Variants in RAB3GAP1 observed in about 807,000 individuals in gnomAD.
RAB3GAP1 encodes the protein rab3 GTPase-activating protein catalytic subunit.
In RAB3GAP1, 86 loss-of-function variants were observed where a neutral mutation model predicts 130.7. That is an observed-to-expected ratio of 0.66 (90% confidence interval 0.55 to 0.79). RAB3GAP1 has a LOEUF of 0.79. Ranked by LOEUF, RAB3GAP1 falls within the 30% of genes least tolerant of loss-of-function variation. The pLI is 0.00. For missense variants in RAB3GAP1, 1,029 were observed against 1,169.4 expected, an observed-to-expected ratio of 0.88 and a Z score of 1.75; for synonymous variants, 367 against 401.7, an observed-to-expected ratio of 0.91 and a Z score of 1.03.
intron 22 of RAB3GAP1, 140 bp downstream of exon 22, chr2:135,163,241 T>G (rs925412118): frequency 1.4e-6 from 1 of 720,712 alleles, no homozygotes. Context: ...GAGACAGAAA[T>G]AATTATCATA....
At chr2:135,087,915 G>A (rs984054550) in intron 3 of RAB3GAP1, among the ~76,000 whole-genome samples, 1 of 152,152 alleles carries the variant, frequency 6.6e-6, no homozygotes, top group Admixed American at 6.5e-5. Flanking sequence ...TGATGAACTA[G>A]AATTGTCATT....
At chr2:135,133,059 T>A in intron 14 of RAB3GAP1, 75 bp downstream of exon 14, 1 of 901,000 alleles carries the variant, frequency 1.1e-6, no homozygotes. Context: ...TATTTCTAGT[T>A]TAATAGCTTA....
chr2:135,111,927 C>A (rs1401999047), intron 5 of RAB3GAP1, among the ~76,000 whole-genome samples: 2 of 152,134 alleles, frequency 1.3e-5, no homozygotes, highest in Non-Finnish European at 2.9e-5. Flanking sequence ...TAAAAATAAA[C>A]ATTTAAATTA....
intron 17 of RAB3GAP1, among the ~76,000 whole-genome samples, chr2:135,143,556 CTTT>C (rs770650929): frequency 2.2e-5 from 3 of 135,088 alleles, no homozygotes; most frequent in Non-Finnish European, 3.1e-5. Context: ...TAACATGCTA[CTTT>C]TTTTTTTTTT....
intron 3 of RAB3GAP1, among the ~76,000 whole-genome samples, chr2:135,082,973 CCT>C (rs1689870245): frequency 6.6e-6 from 1 of 152,032 alleles, no homozygotes; most frequent in Admixed American, 6.6e-5. Flanking sequence ...TATTTTAAAT[CCT>C]CTCTAGATTA....
At chr2:135,162,386 T>C in intron 19 of RAB3GAP1, 169 bp from the exon 20 acceptor site, 1 of 685,030 alleles carries the variant, frequency 1.5e-6, no homozygotes, top group Non-Finnish European at 2.7e-6. Context: ...ATTGAAGTTC[T>C]TAGGTGCTTT....
chr2:135,153,996 A>G (rs80345580), intron 19 of RAB3GAP1, 120 bp downstream of exon 19: 8 of 944,030 alleles, frequency 8.5e-6, no homozygotes, highest in East Asian at 5.2e-5. Context: ...TTGAAATTCA[A>G]TGAGCGTTTT....
At chr2:135,084,327 C>T (rs1252449316) in intron 3 of RAB3GAP1, among the ~76,000 whole-genome samples, 1 of 152,198 alleles carries the variant, frequency 6.6e-6, no homozygotes, top group African/African-American at 2.4e-5. Context: ...GGATACAAGT[C>T]CCCATGGGGT....
intron 19 of RAB3GAP1, among the ~76,000 whole-genome samples, chr2:135,159,248 G>A (rs1692400824): frequency 6.6e-6 from 1 of 152,212 alleles, no homozygotes; most frequent in South Asian, 2.1e-4. Flanking sequence ...AGTGTGTGCT[G>A]CACATAGTGT....
chr2:135,153,909 G>A (rs762083420), intron 19 of RAB3GAP1, 33 bp downstream of exon 19: 17 of 1,575,276 alleles, frequency 1.1e-5, no homozygotes, highest in Non-Finnish European at 1.3e-5. Context: ...ATACTAGAAT[G>A]CAAATTACTG....
intron 5 of RAB3GAP1, among the ~76,000 whole-genome samples, chr2:135,101,239 A>G (rs564001018): frequency 6.6e-6 from 1 of 152,348 alleles, no homozygotes; most frequent in South Asian, 2.1e-4. Flanking sequence ...ACATTTCTCA[A>G]AAATTTCAAG....
chr2:135,093,810 C>T (rs1690217789), intron 5 of RAB3GAP1, 117 bp downstream of exon 5: 1 of 863,632 alleles, frequency 1.2e-6, no homozygotes, highest in Non-Finnish European at 2.0e-6. Context: ...TTAATTGCAG[C>T]TGATTTATTG....
intron 5 of RAB3GAP1, among the ~76,000 whole-genome samples, chr2:135,105,592 C>T (rs547867973): frequency 8.5e-5 from 13 of 152,282 alleles, no homozygotes; most frequent in African/African-American, 2.9e-4. Flanking sequence ...CAACCTCCAC[C>T]TCCCAGCCGC....
Position 135,052,469 on chromosome 2 carries a change from G to A in RAB3GAP1, c.58G>A (p.Ala20Thr), listed in dbSNP as rs1426916936. ...ATTTGAGATCACGGACTTCACCACT[G>A]CCTCGGAATGGGAAAGGTGAGTGAA... ...EVFEITDFTT[A>T]SEWERFISKV... Residue 20 changes from alanine to threonine, a missense_variant, in exon 2 of 24, where the codon GCC becomes ACC. Coordinates refer to ENST00000264158, the MANE Select transcript of RAB3GAP1 (RefSeq NM_012233.3). 5 of 1,613,848 alleles carry A rather than the reference G, an allele frequency of 3.1e-6. No individual in the cohort carries two copies. Among genetic ancestry groups the A allele is most frequent in the Non-Finnish European group, 3.4e-6 (4 of 1,180,028 alleles).
Position 135,135,579 on chromosome 2 carries a change from AT to A in RAB3GAP1, c.1572del (p.Ile524MetfsTer38). On this transcript the variant is annotated frameshift_variant, in exon 17 of 24. Transcript: ENST00000264158. LOFTEE classifies it high-confidence loss of function. Reference sequence around the variant, plus strand: ...TTTTCTTAAGATGTTAAATTGTTGTATTGAAAGAAAGAAGGCACGTGATGAG... The same window carrying A: ...TTTTCTTAAGATGTTAAATTGTTGTATGAAAGAAAGAAGGCACGTGATGAG... ...HQKLQMLNCC[I>X]ERKKARDEGK... 6.2e-7 allele frequency: 1 copy of A among 1,602,090 alleles called. No homozygotes were observed. Among genetic ancestry groups the A allele is most frequent in the Non-Finnish European group, 8.5e-7 (1 of 1,171,810 alleles).
At chr2:135,062,067 C>T (rs553108892) in intron 3 of RAB3GAP1, among the ~76,000 whole-genome samples, 28 of 152,006 alleles carry the variant, frequency 1.8e-4, no homozygotes, top group African/African-American at 5.5e-4. Flanking sequence ...CACTCTGTCA[C>T]CCAGGCTGGA....
chr2:135,137,159 C>T, intron 17 of RAB3GAP1: 2 of 380,470 alleles, frequency 5.3e-6, no homozygotes, highest in South Asian at 2.1e-5. Context: ...GAAGGAAATC[C>T]TCAGCAGTAT....
intron 3 of RAB3GAP1, among the ~76,000 whole-genome samples, chr2:135,067,388 C>T (rs1223032894): frequency 1.3e-5 from 2 of 152,036 alleles, no homozygotes; most frequent in African/African-American, 4.8e-5. Context: ...TTTTTTTCCT[C>T]TTCATTTTTA....
Position 135,164,635 on chromosome 2 carries a change from C to T in RAB3GAP1, c.2648C>T (p.Thr883Ile), listed in dbSNP as rs923709118. ...CLLEQPEVLVTGAGRGHAGRI... is the reference protein window; with the variant it reads ...CLLEQPEVLVIGAGRGHAGRI... Reference sequence around the variant, plus strand: ...CTGGAGCAGCCTGAAGTGTTAGTCACCGGTGCAGGAAGAGGACATGCTGGC... The same window carrying T: ...CTGGAGCAGCCTGAAGTGTTAGTCATCGGTGCAGGAAGAGGACATGCTGGC... Residue 883 changes from threonine (T) to isoleucine (I), a missense_variant, in exon 23 of 24, where the codon ACC (threonine) becomes ATC (isoleucine). Thr to Ile is a moderately conservative substitution (Grantham distance 89). Around this residue, in one of 3 missense-constraint regions of RAB3GAP1, gnomAD observed 146 missense variants for 143.7 expected, o/e 1.02. Transcript: ENST00000264158. The T allele has an allele frequency of 1.9e-6, 3 of 1,613,494 alleles. No individual in the cohort carries two copies. The highest frequency in any genetic ancestry group is 1.7e-4 in the Middle Eastern group (1 of 5,934).
Sources: allele counts gnomAD v4.1 joint callset (sites outside exome capture counted in the v4.1 genomes callset), GRCh38; gene constraint gnomAD v4.1.1; regional missense constraint gnomAD v4.1.1; transcripts MANE v1.5; gene names NCBI Gene and HGNC (gene_info 2026-07-23, HGNC 2026-07-21).